Variants in DGKB observed in about 807,000 individuals in gnomAD.
The protein encoded by DGKB is 90 kDa diacylglycerol kinase.
Under a neutral mutation model 114.3 loss-of-function variants are expected in DGKB, and 67 were observed. The observed-to-expected ratio is 0.59, with a 90% CI of 0.48 to 0.72. DGKB has a LOEUF of 0.72. Ranked by LOEUF, DGKB falls within the 30% of genes least tolerant of loss-of-function variation. The probability of loss-of-function intolerance (pLI) is 0.00; values close to 1 mark genes in which losing one functional copy is unlikely to be tolerated. For missense variants in DGKB, 907 were observed against 975.2 expected, an observed-to-expected ratio of 0.93 and a Z score of 0.93; for synonymous variants, 398 against 323.1, an observed-to-expected ratio of 1.23 and a Z score of -2.49.
chr7:14,936,149 G>T (rs1055082325), intron 1 of DGKB, among the ~76,000 whole-genome samples: 4 of 152,158 alleles, frequency 2.6e-5, no homozygotes, highest in African/African-American at 9.7e-5. Context: ...AAACTCTAAT[G>T]TATTTTCAGA....
intron 21 of DGKB, among the ~76,000 whole-genome samples, chr7:14,388,511 G>A (rs917131260): frequency 6.6e-6 from 1 of 150,716 alleles, no homozygotes; most frequent in East Asian, 1.9e-4. Flanking sequence ...GCTGATTCTA[G>A]TCTGAGGAGA....
At chr7:14,496,940 G>T (rs1785390358) in intron 20 of DGKB, among the ~76,000 whole-genome samples, 1 of 151,684 alleles carries the variant, frequency 6.6e-6, no homozygotes, top group South Asian at 2.1e-4. Context: ...AAGGAGGTGG[G>T]GAAGTGGTAA....
In DGKB at chr7:14,660,588, G is replaced by A. The variant is rs530730416; in HGVS notation, c.1134+12341C>T. Among the ~76,000 whole-genome samples the A allele has an allele frequency of 6.4e-4, 97 of 151,824 alleles. 3 individuals are homozygous for A. In the East Asian group the frequency reaches 0.011, roughly 17 times the overall value. ...ATATCCCCTTTATCATTTTTATTGC[G>A]TCTATTTGATTCTTCTCTCTTTTTT... On this transcript the variant is annotated intron_variant, in intron 13 of 25. Transcript: ENST00000402815.
At chr7:14,392,995 G>GTTTTGTTGTTTTTTTT (rs1554404749) in intron 21 of DGKB, among the ~76,000 whole-genome samples, 4 of 60,540 alleles carry the variant, frequency 6.6e-5, no homozygotes, top group African/African-American at 1.9e-4. Context: ...TTTTGTTTTT[G>GTTTTGTTGTTTTTTTT]TTTTTTTTTT....
chr7:14,634,794 GT>G (rs943393366), intron 13 of DGKB, among the ~76,000 whole-genome samples: 38 of 151,082 alleles, frequency 2.5e-4, no homozygotes, highest in African/African-American at 7.3e-4. Flanking sequence ...TGGCTTCCAT[GT>G]TTTTTTTATA....
intron 7 of DGKB, among the ~76,000 whole-genome samples, chr7:14,700,428 G>A (rs1824955273): frequency 6.6e-6 from 1 of 152,030 alleles, no homozygotes. Context: ...TGGCCAGCTG[G>A]TCTCAAACTC....
chr7:14,729,784 G>A (rs1830651151), intron 5 of DGKB, among the ~76,000 whole-genome samples: 1 of 152,054 alleles, frequency 6.6e-6, no homozygotes, highest in Non-Finnish European at 1.5e-5. Flanking sequence ...TAATATAACT[G>A]AACACATAAT....
chr7:14,794,018 T>C (rs1171913282), intron 2 of DGKB, among the ~76,000 whole-genome samples: 1 of 152,142 alleles, frequency 6.6e-6, no homozygotes, highest in Non-Finnish European at 1.5e-5. Context: ...ACTACTCCAC[T>C]AGTTCTTAGA....
intron 21 of DGKB, among the ~76,000 whole-genome samples, chr7:14,460,293 C>T (rs1408888941): frequency 6.6e-6 from 1 of 152,000 alleles, no homozygotes; most frequent in Non-Finnish European, 1.5e-5. Flanking sequence ...AATCAAAAGA[C>T]ACAGGCTGGC....
At chr7:14,971,351 A>T (rs1309789583) in intron 1 of DGKB, among the ~76,000 whole-genome samples, 4 of 152,196 alleles carry the variant, frequency 2.6e-5, no homozygotes, top group African/African-American at 9.6e-5. Context: ...TTCATATTGC[A>T]GGAAATCAAG....
At chr7:14,660,458 G>A (rs1309730260) in intron 13 of DGKB, among the ~76,000 whole-genome samples, 4 of 152,082 alleles carry the variant, frequency 2.6e-5, no homozygotes, top group African/African-American at 9.7e-5. Context: ...GAGACTGTAT[G>A]TGTCGAGGAA....
intron 1 of DGKB, among the ~76,000 whole-genome samples, chr7:14,845,205 A>G (rs1848485560): frequency 6.6e-6 from 1 of 151,898 alleles, no homozygotes; most frequent in Non-Finnish European, 1.5e-5. Context: ...ATTTAAAATG[A>G]CTGGTGAACT....
chr7:14,693,571 T>C (rs893219984), intron 9 of DGKB, among the ~76,000 whole-genome samples: 3 of 150,566 alleles, frequency 2.0e-5, no homozygotes, highest in African/African-American at 7.3e-5. Flanking sequence ...AGTCATTGCG[T>C]TTTCTGCCAT....
At chr7:14,253,619 G>T (rs10265875) in intron 23 of DGKB, among the ~76,000 whole-genome samples, 19,925 of 152,094 alleles carry the variant, frequency 0.13, 1,417 homozygotes, top group Non-Finnish European at 0.15. Context: ...TTACCCTCAG[G>T]GGGATTAGAT....
intron 20 of DGKB, among the ~76,000 whole-genome samples, chr7:14,538,944 G>C (rs1369585839): frequency 6.6e-6 from 1 of 152,144 alleles, no homozygotes; most frequent in Non-Finnish European, 1.5e-5. Flanking sequence ...TATAGAAATA[G>C]ATAGTAAAAT....
intron 15 of DGKB, among the ~76,000 whole-genome samples, chr7:14,614,656 A>AT (rs59437049): frequency 0.033 from 5,035 of 152,136 alleles, 265 homozygotes; most frequent in African/African-American, 0.12. Context: ...GTAAAATGGC[A>AT]TTTTTCTAAT....
chr7:14,612,508 C>T (rs1805745606), intron 16 of DGKB, among the ~76,000 whole-genome samples: 1 of 152,026 alleles, frequency 6.6e-6, no homozygotes, highest in Non-Finnish European at 1.5e-5. Flanking sequence ...TTCTTCATTT[C>T]ATGGAAAGAA....
At chr7:14,545,200 T>C (rs1398528150) in intron 20 of DGKB, among the ~76,000 whole-genome samples, 3 of 152,106 alleles carry the variant, frequency 2.0e-5, no homozygotes, top group Non-Finnish European at 2.9e-5. Context: ...GCTAATAACA[T>C]GATACACAGT....
At chr7:14,904,920 A>T (rs141894364), upstream of DGKB, among the ~76,000 whole-genome samples, 1,762 of 152,308 alleles carry the variant, frequency 0.012, 12 homozygotes, top group Non-Finnish European at 0.018. Flanking sequence ...GGCCAACTTT[A>T]TCCACAAATG....
Sources: allele counts gnomAD v4.1 joint callset (sites outside exome capture counted in the v4.1 genomes callset), GRCh38; gene constraint gnomAD v4.1.1; transcripts MANE v1.5; gene names NCBI Gene and HGNC (gene_info 2026-07-23, HGNC 2026-07-21).